Variants in ITFG1 observed in about 807,000 individuals in gnomAD.
The protein encoded by ITFG1 is integrin alpha FG-GAP repeat containing 1.
In ITFG1, 34 loss-of-function variants were observed where a neutral mutation model predicts 81.8. The ratio of observed to expected loss-of-function variants is 0.42; its 90% CI spans 0.32 to 0.55. ITFG1 has a LOEUF of 0.55. Ranked by LOEUF, ITFG1 falls within the 20% of genes least tolerant of loss-of-function variation. The pLI is 0.17. For missense variants in ITFG1, 672 were observed against 755.4 expected (o/e 0.89, Z 1.29); for synonymous variants, 285 against 270.6 (o/e 1.05, Z -0.52).
chr16:47,254,432 A>C (rs1382400430), intron 12 of ITFG1, among the ~76,000 whole-genome samples: 1 of 152,026 alleles, frequency 6.6e-6, no homozygotes, highest in Non-Finnish European at 1.5e-5. Flanking sequence ...ATATCTTATC[A>C]ATGTTACAAA....
chr16:47,429,175 C>G (rs1450080569), intron 5 of ITFG1, among the ~76,000 whole-genome samples: 1 of 152,162 alleles, frequency 6.6e-6, no homozygotes, highest in Non-Finnish European at 1.5e-5. Context: ...CATTCTGTCT[C>G]TATTCAGGAC....
intron 10 of ITFG1, among the ~76,000 whole-genome samples, chr16:47,293,528 T>G (rs1441380805): frequency 1.3e-5 from 2 of 151,962 alleles, no homozygotes; most frequent in Non-Finnish European, 2.9e-5. Context: ...TATTATAGAG[T>G]TTTTGGTAAC....
chr16:47,230,249 GAC>G (rs1965800562), intron 13 of ITFG1, among the ~76,000 whole-genome samples: 1 of 152,084 alleles, frequency 6.6e-6, no homozygotes, highest in African/African-American at 2.4e-5. Context: ...CGGAAGAATG[GAC>G]AGAGAGGTAG....
At chr16:47,267,652 C>T (rs940538617) in intron 10 of ITFG1, among the ~76,000 whole-genome samples, 3 of 152,062 alleles carry the variant, frequency 2.0e-5, no homozygotes, top group Non-Finnish European at 4.4e-5. Flanking sequence ...AGAGCATATT[C>T]TGGATTCTGA....
intron 6 of ITFG1, among the ~76,000 whole-genome samples, chr16:47,416,186 G>A (rs1033824186): frequency 6.6e-6 from 1 of 151,996 alleles, no homozygotes; most frequent in African/African-American, 2.4e-5. Flanking sequence ...TATGAGCGAT[G>A]TCCACAAAAT....
At chr16:47,370,712 C>CG (rs962564644) in intron 7 of ITFG1, among the ~76,000 whole-genome samples, 1 of 152,178 alleles carries the variant, frequency 6.6e-6, no homozygotes, top group Admixed American at 6.5e-5. Context: ...CCCCTCATCA[C>CG]GCAGTGCCTG....
chr16:47,444,059 G>A (rs944808773), intron 5 of ITFG1, among the ~76,000 whole-genome samples: 2 of 152,046 alleles, frequency 1.3e-5, no homozygotes, highest in Admixed American at 6.6e-5. Context: ...CATTTTCTGC[G>A]AGAATGAGTG....
intron 14 of ITFG1, among the ~76,000 whole-genome samples, chr16:47,191,250 G>A (rs1344022441): frequency 6.6e-6 from 1 of 152,124 alleles, no homozygotes; most frequent in Non-Finnish European, 1.5e-5. Context: ...TCCTTGGCCA[G>A]GTCTAAGCCC....
chr16:47,397,988 T>TTCATACAAGTTTCA (rs1968613835), intron 6 of ITFG1, among the ~76,000 whole-genome samples: 1 of 152,210 alleles, frequency 6.6e-6, no homozygotes. Flanking sequence ...TCTTTTCAGT[T>TTCATACAAGTTTCA]TACAAGCACT....
At chr16:47,310,277 G>GT (rs1967236858) in intron 10 of ITFG1, among the ~76,000 whole-genome samples, 2 of 152,182 alleles carry the variant, frequency 1.3e-5, no homozygotes, top group African/African-American at 4.8e-5. Context: ...GTTAAAAGCA[G>GT]TAATACGTCT....
At chr16:47,238,082 G>T in intron 12 of ITFG1, 74 bp from the exon 13 acceptor site, 1 of 798,960 alleles carries the variant, frequency 1.3e-6, no homozygotes, top group Non-Finnish European at 2.0e-6. Context: ...TTCTCCCTAA[G>T]ATCCATTAAT....
chr16:47,265,501 G>T (rs1966266142), intron 10 of ITFG1, among the ~76,000 whole-genome samples: 1 of 152,048 alleles, frequency 6.6e-6, no homozygotes, highest in Non-Finnish European at 1.5e-5. Flanking sequence ...GATAAAAATA[G>T]CACTAAAACC....
chr16:47,300,834 A>C (rs1227018319), intron 10 of ITFG1, among the ~76,000 whole-genome samples: 3 of 152,176 alleles, frequency 2.0e-5, no homozygotes, highest in African/African-American at 7.2e-5. Flanking sequence ...CTCCTTTGTA[A>C]GTATAGACAA....
intron 10 of ITFG1, among the ~76,000 whole-genome samples, chr16:47,271,082 C>T (rs1966333976): frequency 6.6e-6 from 1 of 152,096 alleles, no homozygotes; most frequent in African/African-American, 2.4e-5. Flanking sequence ...ATTAAAAATA[C>T]ATGAAACTCT....
chr16:47,160,750 G>C (rs1348991806), intron 16 of ITFG1, among the ~76,000 whole-genome samples: 1 of 152,160 alleles, frequency 6.6e-6, no homozygotes, highest in Non-Finnish European at 1.5e-5. Flanking sequence ...CTGAGGTAGA[G>C]AGGGGTTCGG....
At chr16:47,399,072 T>C (rs1335560448) in intron 6 of ITFG1, among the ~76,000 whole-genome samples, 5 of 152,202 alleles carry the variant, frequency 3.3e-5, no homozygotes, top group African/African-American at 9.6e-5. Flanking sequence ...CTCAGAGAGA[T>C]TGCAGAGTAT....
chr16:47,294,414 G>A (rs1452271009), intron 10 of ITFG1, among the ~76,000 whole-genome samples: 3 of 152,002 alleles, frequency 2.0e-5, no homozygotes, highest in African/African-American at 7.2e-5. Context: ...CATTTTCATA[G>A]GAATTGCACT....
Position 47,410,635 on chromosome 16 carries a change from G to A in ITFG1, c.655+18169C>T, listed in dbSNP as rs540674304. On this transcript the variant is annotated intron_variant, in intron 6 of 17. Coordinates refer to ENST00000320640, the MANE Select transcript of ITFG1 (RefSeq NM_030790.5). ...GCCTGGCCTTACTGAGCACCTTGACGAGTTCCTGGCCCTAAACAGCTCCTA... is the reference window on the plus strand; with the variant it reads ...GCCTGGCCTTACTGAGCACCTTGACAAGTTCCTGGCCCTAAACAGCTCCTA... Among the ~76,000 whole-genome samples the A allele has an allele frequency of 4.6e-5, 7 of 152,280 alleles. No individual in the cohort carries two copies. In the South Asian group the frequency reaches 1.0e-3, roughly 23 times the overall value.
chr16:47,242,715 T>C (rs1312539034), intron 12 of ITFG1, among the ~76,000 whole-genome samples: 2 of 152,206 alleles, frequency 1.3e-5, no homozygotes. Context: ...TTCATATATA[T>C]ACTGTAGGTC....
Sources: gnomAD v4.1 joint callset for allele counts (sites outside exome capture counted in the v4.1 genomes callset) on GRCh38, gnomAD v4.1.1 for gene constraint, MANE v1.5 for transcripts, NCBI Gene and HGNC (gene_info 2026-07-23, HGNC 2026-07-21) for gene names.